TAFA4: variants seen among roughly 807,000 people sequenced by gnomAD.
TAFA4 encodes the protein TAFA chemokine like family member 4.
A neutral mutation model predicts 21.1 loss-of-function variants in TAFA4; 20 were observed. That is an observed-to-expected ratio of 0.95 (90% CI 0.67 to 1.38). The LOEUF (loss-of-function observed/expected upper bound fraction) is 1.38. Ranked by LOEUF, TAFA4 falls within the 40% of genes most tolerant of loss-of-function variation. TAFA4 has a pLI of 0.00. For missense variants in TAFA4, 211 were observed against 180.9 expected, an observed-to-expected ratio of 1.17 and a Z score of -0.95; for synonymous variants, 71 against 67.4, an observed-to-expected ratio of 1.05 and a Z score of -0.26.
At chr3:68,796,962 T>C (rs1256760581) in intron 3 of TAFA4, among the ~76,000 whole-genome samples, 1 of 152,120 alleles carries the variant, frequency 6.6e-6, no homozygotes, top group Non-Finnish European at 1.5e-5. Flanking sequence ...CAATGACTAC[T>C]ATCAAAAAAA....
Position 68,772,850 on chromosome 3 carries a change from G to C in TAFA4, c.131-19832C>G, listed in dbSNP as rs773672355. On this transcript the variant is annotated intron_variant, in intron 3 of 5. Transcript: ENST00000295569. Reference sequence around the variant, plus strand: ...TCCCCTCTCATCCATCCATCCATCCGTCAATCCATCCATCCATCCATCCAT... The same window carrying C: ...TCCCCTCTCATCCATCCATCCATCCCTCAATCCATCCATCCATCCATCCAT... Among the ~76,000 whole-genome samples, 4 of 152,016 alleles carry C rather than the reference G, an allele frequency of 2.6e-5. No homozygotes were observed. In the East Asian group the frequency reaches 5.8e-4, roughly 22 times the overall value.
intron 3 of TAFA4, among the ~76,000 whole-genome samples, chr3:68,866,731 C>A (rs1170826788): frequency 1.2e-5 from 1 of 82,570 alleles, no homozygotes; most frequent in Admixed American, 1.2e-4. Context: ...TGAACAACAA[C>A]AACAACAAAA....
chr3:68,810,922 C>A (rs952745847), intron 3 of TAFA4, among the ~76,000 whole-genome samples: 2 of 152,160 alleles, frequency 1.3e-5, no homozygotes, highest in African/African-American at 4.8e-5. Context: ...AGGCAACCCC[C>A]AGTAGGGGCA....
intron 1 of TAFA4, among the ~76,000 whole-genome samples, chr3:68,918,706 A>G (rs2090028913): frequency 6.6e-6 from 1 of 151,980 alleles, no homozygotes; most frequent in Non-Finnish European, 1.5e-5. Flanking sequence ...TGCCTGCTTA[A>G]TTTTTGTATT....
chr3:68,740,650 C>T (rs1442886832), intron 4 of TAFA4, among the ~76,000 whole-genome samples: 1 of 152,108 alleles, frequency 6.6e-6, no homozygotes, highest in African/African-American at 2.4e-5. Flanking sequence ...GCTGCTTTTT[C>T]ATTTGATGTA....
chr3:68,764,229 C>G (rs1486753973), intron 3 of TAFA4, among the ~76,000 whole-genome samples: 2 of 151,896 alleles, frequency 1.3e-5, no homozygotes, highest in African/African-American at 4.8e-5. Flanking sequence ...TCATTCTTCC[C>G]CATACCCCCA....
chr3:68,783,146 C>T (rs916024752), intron 3 of TAFA4, among the ~76,000 whole-genome samples: 4 of 152,112 alleles, frequency 2.6e-5, no homozygotes, highest in Non-Finnish European at 5.9e-5. Flanking sequence ...TAATAAAAGG[C>T]ACATACAGAA....
chr3:68,880,321 C>T (rs2089600953), intron 3 of TAFA4, among the ~76,000 whole-genome samples: 1 of 152,078 alleles, frequency 6.6e-6, no homozygotes, highest in Non-Finnish European at 1.5e-5. Context: ...ATTCCCTTCA[C>T]TAAAGCCCTG....
chr3:68,905,282 G>T (rs1185048891), intron 1 of TAFA4, among the ~76,000 whole-genome samples: 1 of 148,760 alleles, frequency 6.7e-6, no homozygotes, highest in African/African-American at 2.5e-5. Context: ...CAATTCTCCT[G>T]CCTCAGCTTC....
At chr3:68,815,004 A>G (rs1703934797) in intron 3 of TAFA4, among the ~76,000 whole-genome samples, 1 of 152,172 alleles carries the variant, frequency 6.6e-6, no homozygotes, top group African/African-American at 2.4e-5. Context: ...CTCAAAAATA[A>G]TGCCACATAT....
intron 1 of TAFA4, among the ~76,000 whole-genome samples, chr3:68,894,838 GT>G (rs2089770917): frequency 6.6e-6 from 1 of 151,656 alleles, no homozygotes; most frequent in South Asian, 2.1e-4. Context: ...GTTTGAGGGT[GT>G]TTTTGGTTTT....
Position 68,922,504 on chromosome 3 carries a change from T to C in TAFA4, c.-123+9736A>G, listed in dbSNP as rs1303561418. Among the ~76,000 whole-genome samples the C allele has an allele frequency of 2.0e-5, 3 of 152,188 alleles. No individual in the cohort carries two copies. In the East Asian group the frequency reaches 5.8e-4, roughly 29 times the overall value. The stretch of plus-strand genomic sequence containing the variant: ...GCAATCAGCATAAACCCTATATTCA[T>C]CTCCCTTCCTTCCTTACTTCTAAGT... On this transcript the variant is annotated intron_variant, in intron 1 of 5. Coordinates refer to ENST00000295569, the MANE Select transcript of TAFA4 (RefSeq NM_182522.5).
At chr3:68,827,857 T>G (rs959225141) in intron 3 of TAFA4, among the ~76,000 whole-genome samples, 1 of 152,238 alleles carries the variant, frequency 6.6e-6, no homozygotes, top group African/African-American at 2.4e-5. Context: ...TGATAGTTTC[T>G]TTTCCTGTGC....
At chr3:68,849,664 C>T (rs1277107895) in intron 3 of TAFA4, among the ~76,000 whole-genome samples, 6 of 152,146 alleles carry the variant, frequency 3.9e-5, no homozygotes, top group African/African-American at 1.4e-4. Flanking sequence ...GCCAGAATTC[C>T]CAATCTATAA....
intron 3 of TAFA4, among the ~76,000 whole-genome samples, chr3:68,878,890 A>C (rs1416843778): frequency 2.0e-5 from 3 of 152,136 alleles, no homozygotes; most frequent in Admixed American, 1.3e-4. Flanking sequence ...TTTAATGCTT[A>C]AACTAAAATT....
chr3:68,786,262 T>C (rs1453765900), intron 3 of TAFA4, among the ~76,000 whole-genome samples: 1 of 152,136 alleles, frequency 6.6e-6, no homozygotes, highest in East Asian at 1.9e-4. Context: ...GAACTTAAAA[T>C]TAAATTTTAA....
At chr3:68,877,221 C>T (rs1455497095) in intron 3 of TAFA4, among the ~76,000 whole-genome samples, 2 of 152,094 alleles carry the variant, frequency 1.3e-5, no homozygotes, top group East Asian at 3.9e-4. Context: ...TAGCTGGGCG[C>T]TGTGGTAGGC....
chr3:68,844,594 C>G (rs1704743164), intron 3 of TAFA4, among the ~76,000 whole-genome samples: 1 of 152,126 alleles, frequency 6.6e-6, no homozygotes, highest in Non-Finnish European at 1.5e-5. Context: ...TTCTCTAGTT[C>G]TTTTAATTGT....
intron 3 of TAFA4, among the ~76,000 whole-genome samples, chr3:68,772,420 T>C (rs1242160257): frequency 2.6e-5 from 4 of 152,070 alleles, no homozygotes; most frequent in African/African-American, 7.2e-5. Context: ...GTGAGTGCCA[T>C]CCAATTAGCT....
Sources: allele counts gnomAD v4.1 joint callset (sites outside exome capture counted in the v4.1 genomes callset), GRCh38; gene constraint gnomAD v4.1.1; transcripts MANE v1.5; gene names NCBI Gene and HGNC (gene_info 2026-07-23, HGNC 2026-07-21).